TULP4: variants seen among roughly 807,000 people sequenced by gnomAD.
The protein encoded by TULP4 is tubby-related protein 4.
A neutral mutation model predicts 129.0 loss-of-function variants in TULP4; 16 were observed. The observed-to-expected ratio is 0.12, with a 90% CI of 0.08 to 0.19. The LOEUF (loss-of-function observed/expected upper bound fraction) is 0.19, where lower values mean the gene tolerates loss of function less well. TULP4 is among the 10% of genes least tolerant of loss of function. TULP4 has a pLI of 1.00. For missense variants in TULP4, 1,842 were observed against 2,059.1 expected (o/e 0.89, Z 2.04); for synonymous variants, 998 against 854.0 (o/e 1.17, Z -2.94).
At chr6:158,387,660 T>G (rs1264697130) in intron 1 of TULP4, among the ~76,000 whole-genome samples, 1 of 152,226 alleles carries the variant, frequency 6.6e-6, no homozygotes, top group Non-Finnish European at 1.5e-5. Flanking sequence ...AGGTTGTCTT[T>G]TTTTGCATGT....
chr6:158,303,767 C>T (rs935656391), intron 1 of TULP4, among the ~76,000 whole-genome samples: 4 of 152,208 alleles, frequency 2.6e-5, no homozygotes, highest in Admixed American at 2.0e-4. Flanking sequence ...GTATTCACGT[C>T]TTCAGTAATA....
rs1022008531 is a variant in TULP4 at position 158,504,609 on chromosome 6, G to A, written c.4515+431G>A. Among the ~76,000 whole-genome samples, 7 of 151,460 alleles carry A rather than the reference G, an allele frequency of 4.6e-5. No individual in the cohort carries two copies. In the East Asian group the frequency reaches 1.4e-3, roughly 29 times the overall value. On this transcript the variant is annotated intron_variant, in intron 13 of 13. Transcript: ENST00000367097. The stretch of plus-strand genomic sequence containing the variant: ...CTGACCTCGTGATCTGCCCGCCTTG[G>A]CCTCTCAAAGTGCAGGGATTACAGG...
chr6:158,505,088 A>G (rs1381073754), intron 13 of TULP4, among the ~76,000 whole-genome samples: 1 of 151,976 alleles, frequency 6.6e-6, no homozygotes, highest in Non-Finnish European at 1.5e-5. Context: ...TCATTTGCCT[A>G]TTTCTCTGTA....
At chr6:158,233,269 TG>T (rs1469616190) in intron 1 of TULP4, among the ~76,000 whole-genome samples, 1 of 152,260 alleles carries the variant, frequency 6.6e-6, no homozygotes, top group Non-Finnish European at 1.5e-5. Flanking sequence ...CGCCAGGAAC[TG>T]TCTCCTGGAT....
intron 1 of TULP4, among the ~76,000 whole-genome samples, chr6:158,263,317 A>G (rs1053719423): frequency 1.3e-5 from 2 of 152,248 alleles, no homozygotes; most frequent in East Asian, 3.8e-4. Flanking sequence ...CTAGACACTC[A>G]TGGAGTGAAT....
At chr6:158,382,439 C>T (rs770484408) in intron 1 of TULP4, among the ~76,000 whole-genome samples, 2 of 152,172 alleles carry the variant, frequency 1.3e-5, no homozygotes, top group Non-Finnish European at 2.9e-5. Context: ...AGATATCTTC[C>T]TCCAAGTGGA....
intron 1 of TULP4, among the ~76,000 whole-genome samples, chr6:158,251,486 TGAAA>T (rs1166894248): frequency 6.6e-6 from 1 of 152,218 alleles, no homozygotes; most frequent in Non-Finnish European, 1.5e-5. Context: ...TAGGGACATT[TGAAA>T]GAAGTACACT....
chr6:158,435,634 C>T (rs1778733477), intron 3 of TULP4, among the ~76,000 whole-genome samples: 1 of 152,130 alleles, frequency 6.6e-6, no homozygotes, highest in Non-Finnish European at 1.5e-5. Flanking sequence ...GCATCAGCTC[C>T]CATCTGTTTG....
chr6:158,238,462 G>C (rs1382905612), intron 1 of TULP4: 2 of 399,518 alleles, frequency 5.0e-6, no homozygotes, highest in Non-Finnish European at 8.7e-6. Flanking sequence ...TAATTCTTGG[G>C]TGTTTCTCAC....
rs1443111063 is a variant in TULP4 at position 158,328,137 on chromosome 6, C to G, written c.252+13869C>G. ...GTGTGTGTGTGTGTGTGCGTGCGTG[C>G]TGGGAAAGAGGTAGACCTAGTTATA... is the stretch of plus-strand genomic sequence containing the variant. On this transcript the variant is annotated intron_variant, in intron 1 of 13. Transcript: ENST00000367097. Among the ~76,000 whole-genome samples the G allele has an allele frequency of 1.7e-3, 127 of 73,112 alleles. 4 individuals are homozygous for G. The East Asian group carries it at 0.018, about 10-fold the overall frequency. The allele number at this position is 73,112 out of a possible 152,430, so 48.0% of individuals were successfully genotyped here.
intron 5 of TULP4, among the ~76,000 whole-genome samples, chr6:158,458,155 T>G (rs953722163): frequency 8.5e-5 from 13 of 152,192 alleles, no homozygotes; most frequent in African/African-American, 3.1e-4. Flanking sequence ...TGATAAGCAC[T>G]CCTTTCTTTT....
chr6:158,257,841 A>G (rs1355165575), intron 1 of TULP4, among the ~76,000 whole-genome samples: 1 of 152,178 alleles, frequency 6.6e-6, no homozygotes, highest in Non-Finnish European at 1.5e-5. Flanking sequence ...CCTTTAACCT[A>G]GCATTAGTTG....
chr6:158,445,333 C>T (rs1413012429), intron 3 of TULP4, among the ~76,000 whole-genome samples: 1 of 152,132 alleles, frequency 6.6e-6, no homozygotes, highest in Non-Finnish European at 1.5e-5. Flanking sequence ...CAGAAATGTA[C>T]ATGATTCATC....
At chr6:158,482,345 A>T (rs1779967241) in intron 8 of TULP4, among the ~76,000 whole-genome samples, 1 of 152,150 alleles carries the variant, frequency 6.6e-6, no homozygotes, top group Admixed American at 6.5e-5. Context: ...GCCAGCCTTC[A>T]TTTGTTCAGC....
Position 158,481,270 on chromosome 6 carries a change from G to T in TULP4, c.1467G>T (p.Pro489=), listed in dbSNP as rs199553131. Residue 489 remains proline, a synonymous_variant, in exon 8 of 14, where the codon CCG becomes CCT. Coordinates refer to ENST00000367097, the MANE Select transcript of TULP4 (RefSeq NM_020245.5). The part of the protein sequence containing the change: ...KLRPEFVIMD[P]RTDSKPDEIY... ...GGCCAGAGTTCGTCATCATGGACCC[G>T]CGGACAGATAGCAAACCAGGTGGGC... The T allele has an allele frequency of 6.2e-7, 1 of 1,613,836 alleles. No individual in the cohort carries two copies. The highest frequency in any genetic ancestry group is 1.1e-5 in the South Asian group (1 of 91,040).
chr6:158,274,193 G>A lies in TULP4; in HGVS notation n.69-37858G>A, dbSNP rs540261989. Among the ~76,000 whole-genome samples, 186 of 152,208 alleles carry A rather than the reference G, an allele frequency of 1.2e-3. 1 individual carries two copies. Among genetic ancestry groups the A allele is most frequent in the Middle Eastern group, 0.01 (3 of 294 alleles). ...GAATTGCTTGAACCCGGGAGGTGGA[G>A]GTTGTAATGAGCCAAGATCACACCA... On this transcript the variant is annotated intron_variant and non_coding_transcript_variant, in intron 1 of 1. Transcript: ENST00000620026.
Position 158,493,477 on chromosome 6 carries a change from G to T in TULP4, c.1632-96G>T, listed in dbSNP as rs148375382. ...TGCAGGGTGAGAACCCAACACCCAGGCTGGCTGTCCAGAAAAAGAAAGGAC... is the reference window on the plus strand; with the variant it reads ...TGCAGGGTGAGAACCCAACACCCAGTCTGGCTGTCCAGAAAAAGAAAGGAC... On this transcript the variant is annotated intron_variant, in intron 9 of 13. Transcript: ENST00000367097. The surrounding 1 kb of genome is among the most constrained non-coding windows in gnomAD (Gnocchi z 4.4). 11 of 1,303,552 alleles carry T rather than the reference G, an allele frequency of 8.4e-6. No individual in the cohort carries two copies. In the Admixed American group the frequency reaches 3.3e-4, roughly 40 times the overall value. The allele number at this position is 1,303,552 out of a possible 1,614,324, so 80.7% of individuals were successfully genotyped here. A position where few individuals can be genotyped will look rare whatever the true frequency, so the allele number is the denominator to read the frequency against.
At chr6:158,461,149 C>T (rs1017273621) in intron 5 of TULP4, among the ~76,000 whole-genome samples, 2 of 152,160 alleles carry the variant, frequency 1.3e-5, no homozygotes, top group African/African-American at 2.4e-5. Flanking sequence ...CAGTGGCTCA[C>T]GCCTGTAATC....
At chr6:158,269,207 C>T (rs905566724) in intron 1 of TULP4, among the ~76,000 whole-genome samples, 5 of 151,954 alleles carry the variant, frequency 3.3e-5, no homozygotes, top group Non-Finnish European at 7.4e-5. Flanking sequence ...TCTTCCTATT[C>T]CAAAGTAACA....
Sources: gnomAD v4.1 joint callset for allele counts (sites outside exome capture counted in the v4.1 genomes callset) on GRCh38, gnomAD v4.1.1 for gene constraint, Gnocchi (gnomAD v3.1) non-coding constraint, MANE v1.5 for transcripts, NCBI Gene and HGNC (gene_info 2026-07-23, HGNC 2026-07-21) for gene names.